ANKH: variants seen among roughly 807,000 people sequenced by gnomAD.
ANKH encodes mineralization regulator ANKH.
Under a neutral mutation model 49.0 loss-of-function variants are expected in ANKH, and 15 were observed. The observed-to-expected ratio is 0.31, with a 90% CI of 0.20 to 0.47. The LOEUF (loss-of-function observed/expected upper bound fraction) is 0.47. Among genes scored for constraint, ANKH ranks in the 20% least tolerant of loss-of-function variants. The pLI, the probability that ANKH is intolerant of heterozygous loss-of-function variation, is 1.00. For synonymous variants in ANKH, 273 were observed against 260.0 expected, an observed-to-expected ratio of 1.05 and a Z score of -0.48; for missense variants, 429 against 652.0, an observed-to-expected ratio of 0.66 and a Z score of 3.72.
Position 14,708,422 on chromosome 5 carries a change from T to TGTCA in ANKH, c.*2771_*2774dup, listed in dbSNP as rs1239661660. On this transcript the variant is annotated 3_prime_UTR_variant, in exon 12 of 12. Transcript: ENST00000284268. ...GCATGGTAACTTTCTAAAATGCAGC[T>TGTCA]GTCAGCTGAATGCCCTACAATGAAA... 5 of 152,236 alleles carry TGTCA rather than the reference T, an allele frequency of 3.3e-5. No individual in the cohort carries two copies. The highest frequency in any genetic ancestry group is 1.2e-4 in the African/African-American group (5 of 41,458). 9.4% of individuals were successfully genotyped at this position (152,236 alleles called of 1,614,324 possible).
At chr5:14,799,048 G>A (rs1740483806) in intron 1 of ANKH, among the ~76,000 whole-genome samples, 1 of 152,194 alleles carries the variant, frequency 6.6e-6, no homozygotes, top group Admixed American at 6.5e-5. Context: ...TTACTTGAGT[G>A]GATACAAGAA....
Position 14,751,173 on chromosome 5 carries a change from G to C in ANKH, c.583C>G (p.Leu195Val), listed in dbSNP as rs765385239. 1 of 1,614,218 alleles carries C rather than the reference G, an allele frequency of 6.2e-7. No homozygotes were observed. The highest frequency in any genetic ancestry group is 8.5e-7 in the Non-Finnish European group (1 of 1,180,046). ...ACAAGTGCGCCCATGTACAAGGAGA[G>C]GATCGGGATGAGCAGGGGCTCCCGG... is the stretch of plus-strand genomic sequence containing the variant. Reference protein sequence around the residue: ...ECREPLLIPILSLYMGALVRC... With the variant: ...ECREPLLIPIVSLYMGALVRC... Residue 195 changes from leucine to valine, a missense_variant, in exon 5 of 12, where the codon CTC (leucine) becomes GTC (valine). Coordinates refer to ENST00000284268, the MANE Select transcript of ANKH (RefSeq NM_054027.6).
intron 1 of ANKH, among the ~76,000 whole-genome samples, chr5:14,791,735 G>A (rs1740172727): frequency 6.6e-6 from 1 of 152,172 alleles, no homozygotes; most frequent in African/African-American, 2.4e-5. Flanking sequence ...AGCTTCCAGT[G>A]ATAGCTCATG....
At position 14,709,359 on chromosome 5, in the gene ANKH, T is replaced by TA; in HGVS notation, c.*1837dup. 1 of 152,348 alleles carries TA rather than the reference T, an allele frequency of 6.6e-6. No individual in the cohort carries two copies. Among genetic ancestry groups the TA allele is most frequent in the East Asian group, 1.9e-4 (1 of 5,188 alleles). 9.4% of individuals were successfully genotyped at this position (152,348 alleles called of 1,614,324 possible). On this transcript the variant is annotated 3_prime_UTR_variant, in exon 12 of 12. Coordinates refer to ENST00000284268, the MANE Select transcript of ANKH (RefSeq NM_054027.6). ...GCCTCTGAAACCACTGCAAAGCAGC[T>TA]ATGCAACTTAATTTTTCAGTACTCA...
Position 14,712,889 on chromosome 5 carries a change from A to G in ANKH, c.1350T>C (p.Tyr450=), listed in dbSNP as rs949268752. The change falls in exon 11 of 12, where the codon TAT becomes TAC. Residue 450 remains tyrosine (Y), a synonymous_variant. Transcript: ENST00000284268. ...ESTMVAIAAC[Y]VYRKQKKKME... is the part of the protein sequence containing the mutation. ...GCTGTCTCACCTGCTTCCGGTAGAC[A>G]TAGCACGCAGCGATGGCGACCATGG... 4 of 1,611,396 alleles carry G rather than the reference A, an allele frequency of 2.5e-6. No individual in the cohort carries two copies. The highest frequency in any genetic ancestry group is 2.7e-5 in the African/African-American group (2 of 74,912).
At chr5:14,798,899 A>C (rs1740476591) in intron 1 of ANKH, among the ~76,000 whole-genome samples, 1 of 152,094 alleles carries the variant, frequency 6.6e-6, no homozygotes, top group Non-Finnish European at 1.5e-5. Flanking sequence ...GAACAGTCAC[A>C]CCTCTCTCTT....
chr5:14,863,776 T>A (rs1427142172), intron 1 of ANKH, among the ~76,000 whole-genome samples: 2 of 152,186 alleles, frequency 1.3e-5, no homozygotes, highest in Non-Finnish European at 2.9e-5. Flanking sequence ...TCTCCACCCA[T>A]GCTCTCTCCT....
intron 1 of ANKH, among the ~76,000 whole-genome samples, chr5:14,777,558 A>G (rs916352390): frequency 2.0e-5 from 3 of 152,234 alleles, no homozygotes; most frequent in African/African-American, 7.2e-5. Context: ...AGACGCCAAC[A>G]TTGTAAACTT....
In ANKH at chr5:14,711,280, C is replaced by T. The variant is rs1485900640; in HGVS notation, c.1396G>A (p.Glu466Lys). 1 of 1,614,066 alleles carries T rather than the reference C, an allele frequency of 6.2e-7. No homozygotes were observed. The highest frequency in any genetic ancestry group is 1.3e-5 in the African/African-American group (1 of 74,924). ...TCTGTCATGGCAGAGTCTTCCCCCT[C>T]CGTGGCCGACTCATTCTCCATCTTC... is the stretch of plus-strand genomic sequence containing the variant. Reference protein sequence around the residue: ...KKKMENESATEGEDSAMTDMP... With the variant: ...KKKMENESATKGEDSAMTDMP... Residue 466 changes from glutamate (E) to lysine (K), a missense_variant, in exon 12 of 12, where the codon GAG becomes AAG. Glu to Lys is a moderately conservative substitution (Grantham distance 56, BLOSUM62 1). Coordinates refer to ENST00000284268, the MANE Select transcript of ANKH (RefSeq NM_054027.6).
chr5:14,839,635 C>A lies in ANKH; in HGVS notation c.96+31717G>T, dbSNP rs541331649. On this transcript the variant is annotated intron_variant, in intron 1 of 11. Coordinates refer to ENST00000284268, the MANE Select transcript of ANKH (RefSeq NM_054027.6). The stretch of plus-strand genomic sequence containing the variant: ...TCTCCAAACTCATGTTACCTTCAGA[C>A]TGAAATCAAGACTACCAAAGCTCAA... Among the ~76,000 whole-genome samples the A allele has an allele frequency of 5.9e-5, 9 of 152,230 alleles. 1 individual carries two copies. Among genetic ancestry groups the A allele is most frequent in the Admixed American group, 5.9e-4 (9 of 15,292 alleles).
At chr5:14,712,213 G>A (rs1028917263) in intron 11 of ANKH, among the ~76,000 whole-genome samples, 2 of 152,348 alleles carry the variant, frequency 1.3e-5, no homozygotes, top group Admixed American at 6.5e-5. Flanking sequence ...TGAGATGCAC[G>A]TCACGCACCG....
At chr5:14,779,421 C>T (rs1394628280) in intron 1 of ANKH, among the ~76,000 whole-genome samples, 1 of 152,206 alleles carries the variant, frequency 6.6e-6, no homozygotes, top group African/African-American at 2.4e-5. Flanking sequence ...CTCTGCAGCC[C>T]CCTGTGCAGA....
chr5:14,847,410 G>T (rs1470428707), intron 1 of ANKH, among the ~76,000 whole-genome samples: 1 of 152,172 alleles, frequency 6.6e-6, no homozygotes, highest in Non-Finnish European at 1.5e-5. Context: ...TGGGAGAAAG[G>T]TTCCACTCGG....
intron 8 of ANKH, among the ~76,000 whole-genome samples, chr5:14,740,786 T>C (rs949521343): frequency 2.6e-5 from 4 of 152,226 alleles, no homozygotes; most frequent in African/African-American, 9.6e-5. Context: ...GTGATGACGG[T>C]AAGAAGGACC....
chr5:14,841,531 A>C (rs1213654783), intron 1 of ANKH, among the ~76,000 whole-genome samples: 1 of 152,196 alleles, frequency 6.6e-6, no homozygotes, highest in Non-Finnish European at 1.5e-5. Context: ...TCCTGACCTC[A>C]GGTGATCCAT....
In ANKH at chr5:14,706,193, G is replaced by A. The variant is rs1317545202; in HGVS notation, c.*5004C>T. The A allele has an allele frequency of 6.6e-6, 1 of 152,120 alleles. No homozygotes were observed. The highest frequency in any genetic ancestry group is 2.4e-5 in the African/African-American group (1 of 41,414). 9.4% of individuals were successfully genotyped at this position (152,120 alleles called of 1,614,324 possible). ...AGTAAAGTGCACTTTAAGTTATGTA[G>A]CCTAACTTAAAAACAGGTACTATAT... On this transcript the variant is annotated 3_prime_UTR_variant, in exon 12 of 12. Transcript: ENST00000284268.
Position 14,710,792 on chromosome 5 carries a change from C to T in ANKH, c.*405G>A, listed in dbSNP as rs557668196. The T allele has an allele frequency of 2.4e-4, 55 of 231,666 alleles. No homozygotes were observed. The highest frequency in any genetic ancestry group is 2.9e-4 in the Non-Finnish European group (33 of 114,826). 14.4% of individuals were successfully genotyped at this position (231,666 alleles called of 1,614,324 possible). On this transcript the variant is annotated 3_prime_UTR_variant, in exon 12 of 12. Coordinates refer to ENST00000284268, the MANE Select transcript of ANKH (RefSeq NM_054027.6). ...GTTTTAACCTGTTGATTCTTAAGAG[C>T]GATGAAGGGGGACAGGAGAGTCTGT... is the stretch of plus-strand genomic sequence containing the variant.
At chr5:14,782,814 C>A (rs1189378249) in intron 1 of ANKH, among the ~76,000 whole-genome samples, 1 of 152,096 alleles carries the variant, frequency 6.6e-6, no homozygotes, top group Non-Finnish European at 1.5e-5. Flanking sequence ...ACCTGTAAAT[C>A]CAGCACCACG....
chr5:14,780,171 T>C (rs1313255643), intron 1 of ANKH, among the ~76,000 whole-genome samples: 1 of 151,376 alleles, frequency 6.6e-6, no homozygotes, highest in African/African-American at 2.4e-5. Flanking sequence ...TCAGGAGAAG[T>C]GGCTGTGCAA....
Sources: gnomAD v4.1 joint callset for allele counts (sites outside exome capture counted in the v4.1 genomes callset) on GRCh38, gnomAD v4.1.1 for gene constraint, MANE v1.5 for transcripts, NCBI Gene and HGNC (gene_info 2026-07-23, HGNC 2026-07-21) for gene names.